Variants in UBL3 observed in about 807,000 individuals in gnomAD.
The protein encoded by UBL3 is ubiquitin-like protein 3.
UBL3 carries 6 observed loss-of-function variants against 18.4 expected under a neutral mutation model. The ratio of observed to expected loss-of-function variants is 0.33; its 90% confidence interval spans 0.18 to 0.64. The LOEUF (loss-of-function observed/expected upper bound fraction) is 0.64. Ranked by LOEUF, UBL3 falls within the 30% of genes least tolerant of loss-of-function variation. The pLI is 0.76. For synonymous variants in UBL3, 49 were observed against 46.6 expected, an observed-to-expected ratio of 1.05 and a Z score of -0.21; for missense variants, 109 against 142.9, an observed-to-expected ratio of 0.76 and a Z score of 1.21.
At chr13:29,825,731 T>C (rs900538953) in intron 1 of UBL3, among the ~76,000 whole-genome samples, 15 of 152,332 alleles carry the variant, frequency 9.8e-5, no homozygotes, top group African/African-American at 2.9e-4. Flanking sequence ...TCCAACACTA[T>C]GTTGAATAGA....
intron 1 of UBL3, among the ~76,000 whole-genome samples, chr13:29,841,686 T>C (rs1391818239): frequency 2.0e-5 from 3 of 152,186 alleles, no homozygotes; most frequent in African/African-American, 4.8e-5. Context: ...TCAGTAATGT[T>C]TGCTCAGTTA....
chr13:29,818,391 T>C (rs532184268), intron 1 of UBL3, among the ~76,000 whole-genome samples: 2 of 152,296 alleles, frequency 1.3e-5, no homozygotes, highest in African/African-American at 4.8e-5. Flanking sequence ...TACTAATCTT[T>C]TACAGAGCAA....
At chr13:29,807,719 T>C (rs1877930713) in intron 1 of UBL3, among the ~76,000 whole-genome samples, 1 of 152,114 alleles carries the variant, frequency 6.6e-6, no homozygotes, top group Admixed American at 6.5e-5. Context: ...CAGCTATGAT[T>C]GCTGTTCTGA....
intron 1 of UBL3, among the ~76,000 whole-genome samples, chr13:29,808,601 A>G (rs1024537769): frequency 6.6e-6 from 1 of 152,218 alleles, no homozygotes; most frequent in Admixed American, 6.6e-5. Context: ...AAATATTTTC[A>G]TATATATTAA....
At chr13:29,816,951 A>G (rs897747305) in intron 1 of UBL3, among the ~76,000 whole-genome samples, 3 of 152,158 alleles carry the variant, frequency 2.0e-5, no homozygotes, top group African/African-American at 7.2e-5. Context: ...AATTAGGGTT[A>G]TCTATCACCT....
chr13:29,844,158 C>A (rs1015011924), intron 1 of UBL3, among the ~76,000 whole-genome samples: 6 of 152,356 alleles, frequency 3.9e-5, no homozygotes, highest in Non-Finnish European at 7.3e-5. Context: ...ATTCACACAT[C>A]TTCCCTCAGC....
chr13:29,822,090 T>C (rs1436073642), intron 1 of UBL3, among the ~76,000 whole-genome samples: 3 of 152,200 alleles, frequency 2.0e-5, no homozygotes, highest in African/African-American at 7.2e-5. Context: ...AGGGAAACTA[T>C]CTTATAAATT....
intron 1 of UBL3, among the ~76,000 whole-genome samples, chr13:29,787,638 T>G (rs922376669): frequency 6.6e-6 from 1 of 152,208 alleles, no homozygotes; most frequent in Non-Finnish European, 1.5e-5. Context: ...CGGATTTCAA[T>G]GTGCAATGGT....
At chr13:29,818,221 C>G (rs1163321410) in intron 1 of UBL3, among the ~76,000 whole-genome samples, 2 of 152,194 alleles carry the variant, frequency 1.3e-5, no homozygotes, top group Non-Finnish European at 2.9e-5. Flanking sequence ...CATATACTCA[C>G]AGGCTTTCTA....
At position 29,810,818 on chromosome 13, in the gene UBL3, G is replaced by A. The variant is rs138541920; in HGVS notation, c.28-33555C>T. Among the ~76,000 whole-genome samples, 9 of 152,182 alleles carry A rather than the reference G, an allele frequency of 5.9e-5. No individual in the cohort carries two copies. In the Middle Eastern group the frequency reaches 0.01, roughly 173 times the overall value. On this transcript the variant is annotated intron_variant, in intron 1 of 4. Transcript: ENST00000380680. ...ACTCTGCTTAGGAAGAAGTAGCTGC[G>A]CACACAACAGAAGGATACAAAATGA...
chr13:29,772,850 C>A (rs1876880225), intron 2 of UBL3, among the ~76,000 whole-genome samples: 1 of 151,658 alleles, frequency 6.6e-6, no homozygotes, highest in South Asian at 2.1e-4. Flanking sequence ...AGTGTACACA[C>A]AAAGAAAATA....
chr13:29,769,123 C>A (rs1876770192), intron 3 of UBL3, among the ~76,000 whole-genome samples: 1 of 152,020 alleles, frequency 6.6e-6, no homozygotes, highest in Non-Finnish European at 1.5e-5. Context: ...GTGCTTTGCA[C>A]AGAACTTGGT....
intron 3 of UBL3, among the ~76,000 whole-genome samples, chr13:29,767,946 A>G (rs546411885): frequency 4.2e-4 from 64 of 152,254 alleles, no homozygotes; most frequent in Non-Finnish European, 8.5e-4. Flanking sequence ...GATATAAGAA[A>G]AAATATGTAA....
chr13:29,835,144 ATAT>A (rs1878917299), intron 1 of UBL3, among the ~76,000 whole-genome samples: 9 of 15,026 alleles, frequency 6.0e-4, no homozygotes, highest in Admixed American at 7.8e-4. Context: ...ATATATATAT[ATAT>A]ATATATATAT....
chr13:29,786,530 G>A (rs1356638064), intron 1 of UBL3, among the ~76,000 whole-genome samples: 1 of 152,184 alleles, frequency 6.6e-6, no homozygotes, highest in East Asian at 1.9e-4. Context: ...TAGAACTGGA[G>A]AAGTCAAGAA....
At chr13:29,837,446 A>G (rs1282313312) in intron 1 of UBL3, among the ~76,000 whole-genome samples, 1 of 152,246 alleles carries the variant, frequency 6.6e-6, no homozygotes, top group East Asian at 1.9e-4. Flanking sequence ...ACATGAAGAT[A>G]GGTTGCTAGA....
intron 1 of UBL3, among the ~76,000 whole-genome samples, chr13:29,810,903 T>C (rs1175331367): frequency 6.6e-6 from 1 of 152,086 alleles, no homozygotes; most frequent in Non-Finnish European, 1.5e-5. Context: ...TGTTAAAAAT[T>C]ATGAATTTTG....
intron 1 of UBL3, among the ~76,000 whole-genome samples, chr13:29,842,121 T>C (rs1210698462): frequency 7.9e-5 from 11 of 139,630 alleles, no homozygotes; most frequent in East Asian, 6.7e-4. Flanking sequence ...TGAAAACTCC[T>C]CCCATTCTCT....
chr13:29,848,309 T>C (rs1461252504), intron 1 of UBL3, among the ~76,000 whole-genome samples: 1 of 100,446 alleles, frequency 1.0e-5, no homozygotes, highest in Non-Finnish European at 2.1e-5. Flanking sequence ...AAAAAAAAAT[T>C]AGCCAGGTGT....
Sources: gnomAD v4.1 joint callset for allele counts (sites outside exome capture counted in the v4.1 genomes callset) on GRCh38, gnomAD v4.1.1 for gene constraint, MANE v1.5 for transcripts, NCBI Gene and HGNC (gene_info 2026-07-23, HGNC 2026-07-21) for gene names.